CAPN5: variants seen among roughly 807,000 people sequenced by gnomAD.
CAPN5 encodes calpain-5.
In CAPN5, 54 loss-of-function variants were observed where a neutral mutation model predicts 73.0. The ratio of observed to expected loss-of-function variants is 0.74; its 90% CI spans 0.59 to 0.93. The LOEUF is 0.93. Ranked by LOEUF, CAPN5 falls within the 40% of genes least tolerant of loss-of-function variation. The pLI is 0.00. For synonymous variants in CAPN5, 335 were observed against 356.9 expected (o/e 0.94, Z 0.69); for missense variants, 785 against 882.9 (o/e 0.89, Z 1.41).
At chr11:77,087,683 T>C (rs894164653) in intron 2 of CAPN5, among the ~76,000 whole-genome samples, 1 of 152,120 alleles carries the variant, frequency 6.6e-6, no homozygotes, top group African/African-American at 2.4e-5. Flanking sequence ...CTGGTCACAG[T>C]TTCTGGAAAC....
chr11:77,084,981 T>TC lies in CAPN5; in HGVS notation c.99dup (p.Ala34ArgfsTer3). ...AAGGTGCTCTTCGAGGACCCCCTCT[T>TC]CCCCGCCACTGACGACTCACTCTAC... On this transcript the variant is annotated frameshift_variant, in exon 2 of 13. Coordinates refer to ENST00000648180, the MANE Select transcript of CAPN5 (RefSeq NM_004055.5). LOFTEE classifies it high-confidence loss of function. 1 of 1,587,320 alleles carries TC rather than the reference T, an allele frequency of 6.3e-7. No individual in the cohort carries two copies. The highest frequency in any genetic ancestry group is 1.1e-5 in the South Asian group (1 of 88,752).
chr11:77,094,632 G>C (rs1555037250), intron 3 of CAPN5, among the ~76,000 whole-genome samples: 1 of 152,206 alleles, frequency 6.6e-6, no homozygotes, highest in South Asian at 2.1e-4. Context: ...GCTGGCAGTG[G>C]GGCTGAGGAG....
intron 1 of CAPN5, among the ~76,000 whole-genome samples, chr11:77,068,940 G>C (rs1265364305): frequency 6.6e-6 from 1 of 152,138 alleles, no homozygotes; most frequent in Non-Finnish European, 1.5e-5. Flanking sequence ...GTTTTTGTGG[G>C]TGACATCTGG....
At position 77,116,211 on chromosome 11, in the gene CAPN5, G is replaced by T; in HGVS notation, c.894-15G>T. On this transcript the variant is annotated splice_polypyrimidine_tract_variant and intron_variant, in intron 6 of 12. Coordinates refer to ENST00000648180, the MANE Select transcript of CAPN5 (RefSeq NM_004055.5). ...TAGACAGCTCCCTTTCTCCTCCCCG[G>T]CCCTGACACCCCAGCTCGGAGGAGT... 5 of 1,606,128 alleles carry T rather than the reference G, an allele frequency of 3.1e-6. No homozygotes were observed. The highest frequency in any genetic ancestry group is 4.3e-6 in the Non-Finnish European group (5 of 1,176,258).
At position 77,119,028 on chromosome 11, in the gene CAPN5, A is replaced by C. The variant is rs1555042238; in HGVS notation, c.1168-2A>C. The C allele has an allele frequency of 6.2e-7, 1 of 1,611,742 alleles. No individual in the cohort carries two copies. The highest frequency in any genetic ancestry group is 1.1e-5 in the South Asian group (1 of 90,404). On this transcript the variant is annotated splice_acceptor_variant, in intron 8 of 12. Coordinates refer to ENST00000648180, the MANE Select transcript of CAPN5 (RefSeq NM_004055.5). LOFTEE classifies it high-confidence loss of function. ...TCTCTCTCTCCTTGGCCACACCTGCAGTACATCTTCGAAGTCAAGAAGCCA... is the reference window on the plus strand; with the variant it reads ...TCTCTCTCTCCTTGGCCACACCTGCCGTACATCTTCGAAGTCAAGAAGCCA...
chr11:77,122,409 C>T (rs1303556064), intron 11 of CAPN5, among the ~76,000 whole-genome samples, 167 bp from the exon 12 acceptor site: 2 of 152,110 alleles, frequency 1.3e-5, no homozygotes, highest in Non-Finnish European at 2.9e-5. Flanking sequence ...CCAGTGTGCC[C>T]CTGCTGGCCG....
rs536035640 is a variant in CAPN5 at position 77,075,486 on chromosome 11, G to A, written c.-36+8392G>A. ...GCTTGCAGAAGGTCACACAGCCTGC[G>A]TGTGACAAAGGCTAGTGCTCGGACC... is the stretch of plus-strand genomic sequence containing the variant. On this transcript the variant is annotated intron_variant, in intron 1 of 12. Coordinates refer to ENST00000648180, the MANE Select transcript of CAPN5 (RefSeq NM_004055.5). Among the ~76,000 whole-genome samples, 11 of 152,274 alleles carry A rather than the reference G, an allele frequency of 7.2e-5. No individual in the cohort carries two copies. The South Asian group carries it at 1.9e-3, about 26-fold the overall frequency.
In CAPN5 at chr11:77,115,434, G is replaced by A. The variant is rs377145695; in HGVS notation, c.739G>A (p.Gly247Ser). ...AADMEARLAC[G>S]LVKGHAYAVT... ...TGACATGGAGGCCCGCCTGGCGTGC[G>A]GCCTGGTAAAGGGCCACGCATACGC... The change falls in exon 6 of 13, where the codon GGC (glycine) becomes AGC (serine). Residue 247 changes from glycine (G) to serine (S), a missense_variant. Transcript: ENST00000648180. 1.1e-5 allele frequency: 17 copies of A among 1,608,022 alleles called. No homozygotes were observed. The highest frequency in any genetic ancestry group is 6.7e-5 in the African/African-American group (5 of 74,862).
chr11:77,122,637 G>A lies in CAPN5; in HGVS notation c.1665G>A (p.Lys555=), dbSNP rs146508429. The A allele has an allele frequency of 2.9e-5, 46 of 1,613,366 alleles. No individual in the cohort carries two copies. The African/African-American group carries it at 5.9e-4, about 21-fold the overall frequency. The change falls in exon 12 of 13, where the codon AAG becomes AAA. Residue 555 remains lysine, a synonymous_variant. Transcript: ENST00000648180. ...ACAAAGTCCGCTCGGCTGTGCAGAAGGGCACCTCCACACCAGAGTACAATG... is the reference window on the plus strand; with the variant it reads ...ACAAAGTCCGCTCGGCTGTGCAGAAAGGCACCTCCACACCAGAGTACAATG... The part of the protein sequence containing the change: ...EGDKVRSAVQ[K]GTSTPEYNVK...
intron 5 of CAPN5, among the ~76,000 whole-genome samples, chr11:77,114,703 T>A (rs1555041394): frequency 6.6e-6 from 1 of 152,216 alleles, no homozygotes; most frequent in Non-Finnish European, 1.5e-5. Flanking sequence ...CTGATTTCAT[T>A]ACTTGCTCGT....
intron 3 of CAPN5, among the ~76,000 whole-genome samples, chr11:77,109,053 T>A (rs1950383252): frequency 6.6e-6 from 1 of 152,228 alleles, no homozygotes; most frequent in Non-Finnish European, 1.5e-5. Context: ...AACCTGGGAC[T>A]TAGCTCCAGA....
intron 8 of CAPN5, 59 bp downstream of exon 8, chr11:77,118,411 T>C: frequency 7.0e-7 from 1 of 1,424,140 alleles, no homozygotes; most frequent in Non-Finnish European, 9.5e-7. Flanking sequence ...GCCTTGCCAC[T>C]GTCCTGCCAG....
chr11:77,095,949 G>A (rs573341365), intron 3 of CAPN5, among the ~76,000 whole-genome samples: 9 of 152,328 alleles, frequency 5.9e-5, no homozygotes, highest in Admixed American at 3.3e-4. Flanking sequence ...GGGTCTGGGC[G>A]CTCCTGGCTA....
At chr11:77,102,326 G>C (rs1323764992) in intron 3 of CAPN5, among the ~76,000 whole-genome samples, 1 of 152,144 alleles carries the variant, frequency 6.6e-6, no homozygotes, top group Non-Finnish European at 1.5e-5. Flanking sequence ...GGCGTCAGGG[G>C]TAGCTCCAAG....
chr11:77,091,566 G>A (rs1470318589), intron 2 of CAPN5, among the ~76,000 whole-genome samples: 2 of 152,230 alleles, frequency 1.3e-5, no homozygotes, highest in Non-Finnish European at 1.5e-5. Context: ...CCTGGTACAT[G>A]AAAGGCATGT....
chr11:77,098,823 G>A (rs1407808742), intron 3 of CAPN5, among the ~76,000 whole-genome samples: 2,202 of 108,458 alleles, frequency 0.02, no homozygotes, highest in East Asian at 0.051. Context: ...GGCCGGGCGG[G>A]GGGCTGACCC....
intron 4 of CAPN5, among the ~76,000 whole-genome samples, chr11:77,113,382 C>G (rs1289861006): frequency 6.6e-6 from 1 of 152,196 alleles, no homozygotes; most frequent in Non-Finnish European, 1.5e-5. Flanking sequence ...GTGGGGAACC[C>G]TGGGGAAGAG....
chr11:77,118,294 G>A lies in CAPN5; in HGVS notation c.1109G>A (p.Arg370Gln), dbSNP rs372861545. The change falls in exon 8 of 13, where the codon CGA (arginine) becomes CAA (glutamine). Residue 370 changes from arginine (R) to glutamine (Q), a missense_variant. By Grantham distance (43) the Arg-to-Gln change is conservative. Coordinates refer to ENST00000648180, the MANE Select transcript of CAPN5 (RefSeq NM_004055.5). Reference protein sequence around the residue: ...HGAWTLHEDPRQNRGGGCINH... With the variant: ...HGAWTLHEDPQQNRGGGCINH... ...GCCTGGACGCTGCATGAGGACCCGC[G>A]ACAGAACCGCGGTGGCGGCTGCATC... 1.7e-5 allele frequency: 27 copies of A among 1,613,148 alleles called. No homozygotes were observed. Among genetic ancestry groups the A allele is most frequent in the African/African-American group, 1.1e-4 (8 of 74,924 alleles).
Position 77,118,250 on chromosome 11 carries a change from G to T in CAPN5, c.1065G>T (p.Glu355Asp). 6.2e-7 allele frequency: 1 copy of T among 1,614,156 alleles called. No individual in the cohort carries two copies. The highest frequency in any genetic ancestry group is 8.5e-7 in the Non-Finnish European group (1 of 1,180,032). ...ACCTGAGCATCCACAAGACGTGGGA[G>T]GAGGCCCGGCTGCATGGCGCCTGGA... The part of the protein sequence containing the change: ...TSHLSIHKTW[E>D]EARLHGAWTL... The change falls in exon 8 of 13, where the codon GAG (glutamate) becomes GAT (aspartate). Residue 355 changes from glutamate (E) to aspartate (D), a missense_variant. By Grantham distance (45) the Glu-to-Asp change is conservative. Coordinates refer to ENST00000648180, the MANE Select transcript of CAPN5 (RefSeq NM_004055.5).
Sources: gnomAD v4.1 joint callset for allele counts (sites outside exome capture counted in the v4.1 genomes callset) on GRCh38, gnomAD v4.1.1 for gene constraint, MANE v1.5 for transcripts, NCBI Gene and HGNC (gene_info 2026-07-23, HGNC 2026-07-21) for gene names.